Variants in DMRT1 observed in about 807,000 individuals in gnomAD.
DMRT1 encodes doublesex and mab-3 related transcription factor 1, also known as doublesex- and mab-3-related transcription factor 1.
In DMRT1, 7 loss-of-function variants were observed where a neutral mutation model predicts 32.3. That is an observed-to-expected ratio of 0.22 (90% CI 0.12 to 0.41). The LOEUF is 0.41. Ranked by LOEUF, DMRT1 falls within the 10% of genes least tolerant of loss-of-function variation. DMRT1 has a pLI of 1.00. For synonymous variants in DMRT1, 278 were observed against 206.1 expected, an observed-to-expected ratio of 1.35 and a Z score of -2.99; for missense variants, 625 against 500.5, an observed-to-expected ratio of 1.25 and a Z score of -2.37.
At chr9:844,224 CAGA>C (rs1359791510) in intron 1 of DMRT1, among the ~76,000 whole-genome samples, 6 of 152,240 alleles carry the variant, frequency 3.9e-5, no homozygotes, top group African/African-American at 1.4e-4. Flanking sequence ...TTTTCTACAC[CAGA>C]AGGTGTGTAC....
chr9:868,424 AG>A (rs1219495003), intron 2 of DMRT1, among the ~76,000 whole-genome samples: 5 of 152,222 alleles, frequency 3.3e-5, no homozygotes, highest in African/African-American at 1.2e-4. Context: ...CAAAATTCAC[AG>A]AATTCTTCAC....
intron 3 of DMRT1, among the ~76,000 whole-genome samples, chr9:895,146 C>A (rs1227258467): frequency 6.6e-6 from 1 of 152,166 alleles, no homozygotes; most frequent in East Asian, 1.9e-4. Flanking sequence ...AGCATGCAAT[C>A]AAGGGCATTT....
At chr9:901,932 A>C (rs539039725) in intron 3 of DMRT1, among the ~76,000 whole-genome samples, 436 of 72,976 alleles carry the variant, frequency 6.0e-3, no homozygotes, top group African/African-American at 0.033. Context: ...TTTTTTTTTG[A>C]GACAGAGTCT....
chr9:942,159 A>C (rs1819095319), intron 4 of DMRT1, among the ~76,000 whole-genome samples: 4 of 152,110 alleles, frequency 2.6e-5, no homozygotes, highest in Admixed American at 1.3e-4. Flanking sequence ...CTTTTTGGAG[A>C]TGGGGGGTAA....
chr9:858,537 T>TA (rs1309655610), intron 2 of DMRT1, among the ~76,000 whole-genome samples: 1 of 152,144 alleles, frequency 6.6e-6, no homozygotes, highest in Non-Finnish European at 1.5e-5. Flanking sequence ...AACTTATTTT[T>TA]AAAAACTCTC....
chr9:886,286 C>T lies in DMRT1; in HGVS notation c.539-7626C>T, dbSNP rs139595109. 5.1e-3 allele frequency among the ~76,000 whole-genome samples: 771 copies of T among 152,278 alleles called. 7 individuals are homozygous for T. The highest frequency in any genetic ancestry group is 0.017 in the African/African-American group (689 of 41,552). Reference sequence around the variant, plus strand: ...TGTTTTTTATTTTTGAGCGGAGTCTCGCTCTGTCACCCAGGCTGCAGTGCA... The same window carrying T: ...TGTTTTTTATTTTTGAGCGGAGTCTTGCTCTGTCACCCAGGCTGCAGTGCA... On this transcript the variant is annotated intron_variant, in intron 2 of 4. Transcript: ENST00000382276.
intron 4 of DMRT1, among the ~76,000 whole-genome samples, chr9:940,525 C>T (rs1819029995): frequency 6.6e-6 from 1 of 152,034 alleles, no homozygotes; most frequent in African/African-American, 2.4e-5. Context: ...GGAGTCTTAC[C>T]TTATACCATA....
chr9:894,430 G>C (rs1817275124), intron 3 of DMRT1: 1 of 580,562 alleles, frequency 1.7e-6, no homozygotes, highest in African/African-American at 1.9e-5. Context: ...TAGCCTCAAA[G>C]GTTGGCTGCA....
chr9:938,026 A>G (rs187254038), intron 4 of DMRT1, among the ~76,000 whole-genome samples: 15 of 152,178 alleles, frequency 9.9e-5, no homozygotes, highest in Non-Finnish European at 2.1e-4. Context: ...TTTGTATACA[A>G]TGTAAGGTAA....
intron 4 of DMRT1, among the ~76,000 whole-genome samples, chr9:937,726 TTTA>T (rs1818933443): frequency 6.6e-6 from 1 of 152,216 alleles, no homozygotes; most frequent in African/African-American, 2.4e-5. Flanking sequence ...GTAGGAGTTC[TTTA>T]TTATGTTCTG....
intron 2 of DMRT1, among the ~76,000 whole-genome samples, chr9:847,895 C>T (rs73382563): frequency 0.031 from 4,741 of 152,276 alleles, 242 homozygotes; most frequent in African/African-American, 0.11. Context: ...ACACTAGCCA[C>T]ATTTCATGTG....
At chr9:865,652 A>T (rs1815949782) in intron 2 of DMRT1, among the ~76,000 whole-genome samples, 1 of 152,160 alleles carries the variant, frequency 6.6e-6, no homozygotes, top group African/African-American at 2.4e-5. Flanking sequence ...TACAACAAGA[A>T]TTACATCTTT....
chr9:843,311 C>T (rs1318467737), intron 1 of DMRT1, among the ~76,000 whole-genome samples: 3 of 152,230 alleles, frequency 2.0e-5, no homozygotes, highest in Non-Finnish European at 4.4e-5. Flanking sequence ...GCGCGGTTTC[C>T]CTGCGCGCCT....
chr9:872,490 T>TC lies in DMRT1; in HGVS notation c.539-21417dup, dbSNP rs200048409. Among the ~76,000 whole-genome samples, 848 of 152,314 alleles carry TC rather than the reference T, an allele frequency of 5.6e-3. 5 individuals carry two copies. Among genetic ancestry groups the TC allele is most frequent in the African/African-American group, 0.019 (803 of 41,564 alleles). ...ACCCATTACTGGTTACTGGGTTTCT[T>TC]CCCCCAGCCTCTGGTAACCACTAGC... On this transcript the variant is annotated intron_variant, in intron 2 of 4. Transcript: ENST00000382276.
intron 2 of DMRT1, among the ~76,000 whole-genome samples, chr9:864,691 A>G (rs1962755): frequency 0.44 from 66,010 of 150,878 alleles, 15,257 homozygotes; most frequent in East Asian, 0.62. Flanking sequence ...TAGTAGAGAC[A>G]GGGTTTCACC....
At chr9:881,380 A>G (rs904204605) in intron 2 of DMRT1, among the ~76,000 whole-genome samples, 6 of 152,230 alleles carry the variant, frequency 3.9e-5, no homozygotes, top group Non-Finnish European at 7.3e-5. Context: ...ACATTTATGT[A>G]GAGGTCCACT....
intron 1 of DMRT1, among the ~76,000 whole-genome samples, chr9:846,422 T>C (rs1838907409): frequency 1.3e-5 from 2 of 152,200 alleles, no homozygotes; most frequent in Non-Finnish European, 1.5e-5. Context: ...TACAAGTTTA[T>C]GGAATGAAGG....
At chr9:847,275 C>T in intron 2 of DMRT1, 132 bp downstream of exon 2, 1 of 966,092 alleles carries the variant, frequency 1.0e-6, no homozygotes, top group Non-Finnish European at 1.5e-6. Context: ...GAGGATTCTC[C>T]CTGTGAAGGG....
Position 892,700 on chromosome 9 carries a change from C to T in DMRT1, c.539-1212C>T, listed in dbSNP as rs116012318. Among the ~76,000 whole-genome samples the T allele has an allele frequency of 6.2e-3, 938 of 152,284 alleles. 8 individuals carry two copies. Among genetic ancestry groups the T allele is most frequent in the African/African-American group, 0.02 (830 of 41,554 alleles). ...AATCTCCTCCAAGCACAGCTCTGAC[C>T]GTGTAACCTCCTTGCTCAGAACTCA... On this transcript the variant is annotated intron_variant, in intron 2 of 4. Transcript: ENST00000382276.
Sources: gnomAD v4.1 joint callset for allele counts (sites outside exome capture counted in the v4.1 genomes callset) on GRCh38, gnomAD v4.1.1 for gene constraint, MANE v1.5 for transcripts, NCBI Gene and HGNC (gene_info 2026-07-23, HGNC 2026-07-21) for gene names.